ZNF507: variants seen among roughly 807,000 people sequenced by gnomAD.
ZNF507 encodes zinc finger protein 507.
A neutral mutation model predicts 80.0 loss-of-function variants in ZNF507; 29 were observed. That is an observed-to-expected ratio of 0.36 (90% CI 0.27 to 0.49). The LOEUF (loss-of-function observed/expected upper bound fraction) is 0.49, where lower values mean the gene tolerates loss of function less well. Ranked by LOEUF, ZNF507 falls within the 20% of genes least tolerant of loss-of-function variation. ZNF507 has a pLI of 0.98. For synonymous variants in ZNF507, 462 were observed against 422.5 expected, an observed-to-expected ratio of 1.09 and a Z score of -1.15; for missense variants, 1,081 against 1,152.2, an observed-to-expected ratio of 0.94 and a Z score of 0.90.
Position 32,354,497 on chromosome 19 carries a change from G to A in ZNF507, c.1667G>A (p.Ser556Asn), listed in dbSNP as rs1177500371. 2 of 1,614,048 alleles carry A rather than the reference G, an allele frequency of 1.2e-6. No homozygotes were observed. The highest frequency in any genetic ancestry group is 2.7e-5 in the African/African-American group (2 of 74,918). The change falls in exon 3 of 7, where the codon AGT becomes AAT. Residue 556 changes from serine (S) to asparagine (N), a missense_variant. Physicochemically the swap from Ser to Asn is conservative, Grantham distance 46 (BLOSUM62 1). Coordinates refer to ENST00000355898, the MANE Select transcript of ZNF507 (RefSeq NM_001136156.2). Reference protein sequence around the residue: ...PLKNSSDGLTSLNQSNSTLVA... With the variant: ...PLKNSSDGLTNLNQSNSTLVA... ...AAAAACTCTTCAGATGGATTAACTA[G>A]TCTTAACCAAAGCAACTCCACCTTG...
In ZNF507 at chr19:32,385,404, C is replaced by T. The variant is rs1013709984; in HGVS notation, c.*2321C>T. 1 of 152,184 alleles carries T rather than the reference C, an allele frequency of 6.6e-6. No individual in the cohort carries two copies. Among genetic ancestry groups the T allele is most frequent in the Non-Finnish European group, 1.5e-5 (1 of 68,042 alleles). The allele number at this position is 152,184 out of a possible 1,614,324, so 9.4% of individuals were successfully genotyped here. ...ATATATCAAGGAGGTTCTTTCCCTT[C>T]CCATTATCATTTTGTGGCAAGCCTT... On this transcript the variant is annotated 3_prime_UTR_variant, in exon 7 of 7. Coordinates refer to ENST00000355898, the MANE Select transcript of ZNF507 (RefSeq NM_001136156.2).
intron 5 of ZNF507, among the ~76,000 whole-genome samples, chr19:32,368,424 G>C (rs765364249): frequency 4.7e-4 from 72 of 152,292 alleles, no homozygotes; most frequent in Non-Finnish European, 9.7e-4. Flanking sequence ...GGACTTTGCA[G>C]GTCTGCTAGT....
intron 3 of ZNF507, among the ~76,000 whole-genome samples, chr19:32,356,276 T>C (rs1026952330): frequency 2.6e-5 from 4 of 152,202 alleles, no homozygotes; most frequent in African/African-American, 9.6e-5. Context: ...GGATTTTTTT[T>C]TGTGAAGTTG....
At chr19:32,360,936 T>C (rs1967314469) in intron 5 of ZNF507, among the ~76,000 whole-genome samples, 1 of 152,202 alleles carries the variant, frequency 6.6e-6, no homozygotes, top group South Asian at 2.1e-4. Context: ...TGCACCTGGC[T>C]GGTATTATGT....
At chr19:32,361,970 G>T (rs1006544692) in intron 5 of ZNF507, among the ~76,000 whole-genome samples, 1 of 145,452 alleles carries the variant, frequency 6.9e-6, no homozygotes, top group African/African-American at 2.5e-5. Context: ...CCAGGCTGGA[G>T]TGCAGTGGAG....
intron 3 of ZNF507, among the ~76,000 whole-genome samples, 162 bp from the exon 4 acceptor site, chr19:32,356,454 T>TAAATTGTCAAATGTG (rs893869348): frequency 1.3e-5 from 2 of 152,240 alleles, no homozygotes; most frequent in African/African-American, 4.8e-5. Flanking sequence ...CTTCTTTCTA[T>TAAATTGTCAAATGTG]AAATTGTCAA....
At chr19:32,358,270 A>C (rs2145322069) in intron 4 of ZNF507, 1 of 152,310 alleles carries the variant, frequency 6.6e-6, no homozygotes, top group South Asian at 2.1e-4. Context: ...CCAAAGAAAA[A>C]ATTTTTAGCT....
In ZNF507 at chr19:32,387,513, C is replaced by T. The variant is rs1967704736; in HGVS notation, c.*4430C>T. The T allele has an allele frequency of 6.6e-6, 1 of 152,150 alleles. No individual in the cohort carries two copies. The highest frequency in any genetic ancestry group is 2.4e-5 in the African/African-American group (1 of 41,414). 9.4% of individuals were successfully genotyped at this position (152,150 alleles called of 1,614,324 possible). ...GAATCCGAGCATGGAAGCTCTAGAA[C>T]GTATGGTCCAGTGTGGCAGCCACTA... On this transcript the variant is annotated 3_prime_UTR_variant, in exon 7 of 7. Transcript: ENST00000355898.
At chr19:32,373,363 A>G (rs77851376) in intron 5 of ZNF507, among the ~76,000 whole-genome samples, 11,466 of 152,276 alleles carry the variant, frequency 0.075, 553 homozygotes, top group Middle Eastern at 0.12. Context: ...GGGGTGGGTC[A>G]CGTAAATTCA....
At position 32,354,539 on chromosome 19, in the gene ZNF507, GTA is replaced by G; in HGVS notation, c.1710_1711del (p.Arg571AlafsTer9). On this transcript the variant is annotated frameshift_variant, in exon 3 of 7. Coordinates refer to ENST00000355898, the MANE Select transcript of ZNF507 (RefSeq NM_001136156.2). LOFTEE classifies it high-confidence loss of function. ...TCCACCTTGGTAGCACTCCCAGAGG[GTA>G]GGCAGGAATTGTCAGATGGGCAGGT... The G allele has an allele frequency of 6.2e-7, 1 of 1,614,194 alleles. No individual in the cohort carries two copies. The highest frequency in any genetic ancestry group is 8.5e-7 in the Non-Finnish European group (1 of 1,180,040).
At chr19:32,381,173 A>C (rs1967617782) in intron 5 of ZNF507, among the ~76,000 whole-genome samples, 1 of 152,198 alleles carries the variant, frequency 6.6e-6, no homozygotes, top group Non-Finnish European at 1.5e-5. Context: ...AAAACTATGG[A>C]GTCAACAAAA....
Position 32,354,328 on chromosome 19 carries a change from C to T in ZNF507, c.1498C>T (p.Leu500Phe), listed in dbSNP as rs1214937591. The part of the protein sequence containing the change: ...LRLHSLAAEA[L>F]VTMPIRAAEL... ...ATTACACTCATTAGCTGCAGAAGCC[C>T]TTGTCACAATGCCTATAAGAGCTGC... The change falls in exon 3 of 7, where the codon CTT (leucine) becomes TTT (phenylalanine). Residue 500 changes from leucine to phenylalanine, a missense_variant. Around this residue, in one of 6 missense-constraint regions of ZNF507, gnomAD observed 614 missense variants for 583.9 expected, o/e 1.05. Transcript: ENST00000355898. 1.9e-6 allele frequency: 3 copies of T among 1,614,004 alleles called. No homozygotes were observed. The highest frequency in any genetic ancestry group is 1.7e-6 in the Non-Finnish European group (2 of 1,180,048).
At chr19:32,346,551 T>C (rs1257296361) in intron 1 of ZNF507, among the ~76,000 whole-genome samples, 1 of 152,228 alleles carries the variant, frequency 6.6e-6, no homozygotes, top group Non-Finnish European at 1.5e-5. Context: ...GGTTGCATTA[T>C]TGATTAAAAG....
chr19:32,351,666 G>C (rs1359302850), intron 2 of ZNF507, among the ~76,000 whole-genome samples: 1 of 151,988 alleles, frequency 6.6e-6, no homozygotes, highest in Non-Finnish European at 1.5e-5. Flanking sequence ...TGGGACTGAA[G>C]TTTAAGAATA....
At chr19:32,351,954 A>G (rs909863024) in intron 2 of ZNF507, among the ~76,000 whole-genome samples, 16 of 152,162 alleles carry the variant, frequency 1.1e-4, no homozygotes, top group Non-Finnish European at 2.4e-4. Flanking sequence ...TTCCTCAGCC[A>G]TAATGCATTA....
Position 32,352,968 on chromosome 19 carries a change from T to C in ZNF507, c.138T>C (p.His46=). 1 of 1,614,182 alleles carries C rather than the reference T, an allele frequency of 6.2e-7. No individual in the cohort carries two copies. Among genetic ancestry groups the C allele is most frequent in the Non-Finnish European group, 8.5e-7 (1 of 1,180,032 alleles). The change falls in exon 3 of 7, where the codon CAT becomes CAC. Residue 46 remains histidine, a synonymous_variant. Transcript: ENST00000355898. ...QRKTKPDPLI[H]VIQKLSKIVE... Reference sequence around the variant, plus strand: ...AAACTAAACCAGATCCATTAATCCATGTTATCCAGAAGTTAAGCAAGATAG... The same window carrying C: ...AAACTAAACCAGATCCATTAATCCACGTTATCCAGAAGTTAAGCAAGATAG...
intron 5 of ZNF507, among the ~76,000 whole-genome samples, chr19:32,361,190 C>T (rs1967317135): frequency 6.6e-6 from 1 of 152,110 alleles, no homozygotes; most frequent in Admixed American, 6.5e-5. Flanking sequence ...ATGAAAGAGT[C>T]CATTTTTCAA....
At chr19:32,355,078 T>C (rs920677302) in intron 3 of ZNF507, 121 bp downstream of exon 3, 4 of 1,023,848 alleles carry the variant, frequency 3.9e-6, no homozygotes, top group Non-Finnish European at 5.5e-6. Flanking sequence ...CCAGAAAAGT[T>C]TGATAAGTTG....
At chr19:32,368,533 CAGGCTTCAGTCTTTTTTCATCTGT>C (rs1247724195) in intron 5 of ZNF507, among the ~76,000 whole-genome samples, 2 of 152,218 alleles carry the variant, frequency 1.3e-5, no homozygotes, top group African/African-American at 4.8e-5. Context: ...ACCAGAGTTA[CAGGCTTCAGTCTTTTTTCATCTGT>C]AGGCATCGTG....
Sources: gnomAD v4.1 joint callset for allele counts (sites outside exome capture counted in the v4.1 genomes callset) on GRCh38, gnomAD v4.1.1 for gene constraint, gnomAD v4.1.1 regional missense constraint, MANE v1.5 for transcripts, NCBI Gene and HGNC (gene_info 2026-07-23, HGNC 2026-07-21) for gene names.